UNC13C: variants seen among roughly 807,000 people sequenced by gnomAD.
UNC13C encodes unc-13 homolog C, also known as protein unc-13 homolog C.
Under a neutral mutation model 245.4 loss-of-function variants are expected in UNC13C, and 174 were observed. The observed-to-expected ratio is 0.71, with a 90% CI of 0.63 to 0.80. The LOEUF (loss-of-function observed/expected upper bound fraction) is 0.80, where lower values mean the gene tolerates loss of function less well. UNC13C is among the 30% of genes least tolerant of loss of function. UNC13C has a pLI of 0.00. For missense variants in UNC13C, 2,829 were observed against 2,602.9 expected (o/e 1.09, Z -1.89); for synonymous variants, 992 against 895.1 (o/e 1.11, Z -1.93).
intron 4 of UNC13C, among the ~76,000 whole-genome samples, chr15:54,201,692 C>T (rs2034527940): frequency 6.6e-6 from 1 of 151,864 alleles, no homozygotes; most frequent in Non-Finnish European, 1.5e-5. Context: ...CTAGGACAAA[C>T]CCACAGCCAA....
At chr15:54,111,920 A>G (rs1900796890) in intron 2 of UNC13C, among the ~76,000 whole-genome samples, 2 of 152,162 alleles carry the variant, frequency 1.3e-5, no homozygotes, top group African/African-American at 2.4e-5. Flanking sequence ...GGTGGCATGC[A>G]AAGTCTTTGA....
chr15:54,198,241 C>G lies in UNC13C; in HGVS notation c.3072-36789C>G, dbSNP rs1406763151. Among the ~76,000 whole-genome samples the G allele has an allele frequency of 3.9e-5, 6 of 152,206 alleles. No homozygotes were observed. The East Asian group carries it at 1.2e-3, about 30-fold the overall frequency. On this transcript the variant is annotated intron_variant, in intron 4 of 32. Coordinates refer to ENST00000260323, the MANE Select transcript of UNC13C (RefSeq NM_001080534.3). ...CCACCTGGTAGTCTTTCTCTACCTG[C>G]CCTGGTAGCCAAAGACAAAGCTCAT...
intron 2 of UNC13C, among the ~76,000 whole-genome samples, chr15:54,025,368 GT>G (rs1896066790): frequency 6.6e-6 from 1 of 152,074 alleles, no homozygotes; most frequent in Admixed American, 6.5e-5. Flanking sequence ...TTAATACTGG[GT>G]AACATTTATT....
At chr15:54,202,263 C>T (rs765500086) in intron 4 of UNC13C, among the ~76,000 whole-genome samples, 4 of 151,714 alleles carry the variant, frequency 2.6e-5, no homozygotes, top group Non-Finnish European at 4.4e-5. Context: ...TCTACAAATT[C>T]GATACAATTC....
intron 30 of UNC13C, among the ~76,000 whole-genome samples, chr15:54,594,996 G>A (rs1898998657): frequency 6.6e-6 from 1 of 152,236 alleles, no homozygotes. Flanking sequence ...GATGGAAGGA[G>A]GAGGAAGGGA....
chr15:53,936,831 A>G, the UNC13C span, among the ~76,000 whole-genome samples: 1 of 152,206 alleles, frequency 6.6e-6, no homozygotes, highest in Non-Finnish European at 1.5e-5. Flanking sequence ...ACAAATGGAA[A>G]TCAACAACAA....
intron 4 of UNC13C, among the ~76,000 whole-genome samples, chr15:54,186,112 A>G (rs1415436271): frequency 6.6e-6 from 1 of 151,886 alleles, no homozygotes; most frequent in Non-Finnish European, 1.5e-5. Flanking sequence ...ATTTTTGCAC[A>G]TTGATTTTGT....
At chr15:54,062,033 T>A (rs1245242496) in intron 2 of UNC13C, among the ~76,000 whole-genome samples, 4 of 152,070 alleles carry the variant, frequency 2.6e-5, no homozygotes, top group African/African-American at 7.2e-5. Context: ...AGAATCTCCA[T>A]CCTCAGTCGG....
chr15:54,459,903 G>T, intron 19 of UNC13C, among the ~76,000 whole-genome samples: 1 of 151,966 alleles, frequency 6.6e-6, no homozygotes, highest in East Asian at 1.9e-4. Flanking sequence ...TGGTAATTCA[G>T]AGATTTCTTC....
intron 30 of UNC13C, among the ~76,000 whole-genome samples, chr15:54,610,585 T>G (rs1900034284): frequency 6.6e-6 from 1 of 152,186 alleles, no homozygotes. Flanking sequence ...GAATAATATT[T>G]TAATAACCAC....
intron 25 of UNC13C, among the ~76,000 whole-genome samples, chr15:54,530,194 G>A (rs1447097257): frequency 6.6e-6 from 1 of 151,994 alleles, no homozygotes; most frequent in Non-Finnish European, 1.5e-5. Context: ...GTATATTTAA[G>A]GTATACAACT....
chr15:54,143,068 C>T, intron 3 of UNC13C, 28 bp downstream of exon 3: 1 of 1,598,620 alleles, frequency 6.3e-7, no homozygotes. Context: ...TTCTTCCCTC[C>T]TGAGGAATCT....
At chr15:54,507,850 C>T (rs1002662842) in intron 23 of UNC13C, among the ~76,000 whole-genome samples, 5 of 142,206 alleles carry the variant, frequency 3.5e-5, no homozygotes, top group South Asian at 4.4e-4. Flanking sequence ...AACAGTAGCT[C>T]TGAAAAAAAA....
intron 2 of UNC13C, among the ~76,000 whole-genome samples, chr15:54,115,945 G>A (rs12438585): frequency 0.36 from 54,248 of 151,836 alleles, 10,985 homozygotes; most frequent in Non-Finnish European, 0.46. Flanking sequence ...ATCAAGGACC[G>A]CTTTCCAAAG....
chr15:53,845,019 T>C, the UNC13C span, among the ~76,000 whole-genome samples: 10 of 152,128 alleles, frequency 6.6e-5, no homozygotes, highest in Admixed American at 5.9e-4. Flanking sequence ...GAAAGCTCTC[T>C]AAACTGATTA....
chr15:53,989,662 A>T (rs1013274820), intron 1 of UNC13C, among the ~76,000 whole-genome samples: 1 of 152,042 alleles, frequency 6.6e-6, no homozygotes, highest in Non-Finnish European at 1.5e-5. Context: ...TTCTCCAGGG[A>T]ACGAGCTTTT....
In UNC13C at chr15:54,447,630, AT is replaced by A. The variant is rs535577835; in HGVS notation, c.4933+32569del. ...GATCGATGGTGATATCCCCTTTATC[AT>A]TTTTTATTGCATCTATTTGATTCTT... On this transcript the variant is annotated intron_variant, in intron 19 of 32. Coordinates refer to ENST00000260323, the MANE Select transcript of UNC13C (RefSeq NM_001080534.3). Among the ~76,000 whole-genome samples, 385 of 152,138 alleles carry A rather than the reference AT, an allele frequency of 2.5e-3. 2 individuals are homozygous for A. The highest frequency in any genetic ancestry group is 8.8e-3 in the African/African-American group (366 of 41,502).
the UNC13C span, among the ~76,000 whole-genome samples, chr15:53,878,317 C>T: frequency 1.3e-5 from 2 of 152,272 alleles, no homozygotes; most frequent in African/African-American, 4.8e-5. Context: ...TTTTCATACT[C>T]ATACAGGACT....
chr15:53,958,712 A>C, the UNC13C span, among the ~76,000 whole-genome samples: 1 of 152,214 alleles, frequency 6.6e-6, no homozygotes, highest in African/African-American at 2.4e-5. Context: ...GGGGATCCAC[A>C]TGATAGTTTG....
Sources: allele counts gnomAD v4.1 joint callset (sites outside exome capture counted in the v4.1 genomes callset), GRCh38; gene constraint gnomAD v4.1.1; transcripts MANE v1.5; gene names NCBI Gene and HGNC (gene_info 2026-07-23, HGNC 2026-07-21).